The following CALN1 variants were observed in gnomAD, a reference collection of about 807,000 sequenced individuals.
CALN1 encodes the protein calneuron 1, also known as calcium-binding protein 8.
CALN1 carries 17 observed loss-of-function variants against 30.6 expected under a neutral mutation model. That is an observed-to-expected ratio of 0.56 (90% confidence interval 0.38 to 0.83). CALN1 has a LOEUF of 0.83. Ranked by LOEUF, CALN1 falls within the 40% of genes least tolerant of loss-of-function variation. The pLI is 0.00. For missense variants in CALN1, 291 were observed against 354.9 expected, an observed-to-expected ratio of 0.82 and a Z score of 1.45; for synonymous variants, 156 against 131.4, an observed-to-expected ratio of 1.19 and a Z score of -1.28.
In CALN1 at chr7:72,132,535, G is replaced by A. The variant is rs1809225506; in HGVS notation, c.245-26241C>T. On this transcript the variant is annotated intron_variant, in intron 3 of 6. Transcript: ENST00000395275. ...TCTCCAGTTAACTGACATATAGGTT[G>A]CTTAAAAAAATTATATGAAGAATGC... is the stretch of plus-strand genomic sequence containing the variant. Among the ~76,000 whole-genome samples the A allele has an allele frequency of 2.0e-5, 3 of 152,062 alleles. No homozygotes were observed. The South Asian group carries it at 6.2e-4, about 32-fold the overall frequency.
intron 5 of CALN1, among the ~76,000 whole-genome samples, chr7:72,007,341 T>G (rs1584730990): frequency 1.3e-5 from 2 of 151,710 alleles, no homozygotes; most frequent in African/African-American, 4.8e-5. Context: ...AGGTTAGGAG[T>G]TCAAGGCTAG....
chr7:72,283,804 G>C (rs1797890925), intron 2 of CALN1, among the ~76,000 whole-genome samples: 1 of 152,208 alleles, frequency 6.6e-6, no homozygotes, highest in Non-Finnish European at 1.5e-5. Context: ...GCGGGTTCCA[G>C]TGCTGAATGG....
In CALN1 at chr7:71,787,436, T is replaced by TAAAAAA; in HGVS notation, c.*338_*339insTTTTTT. 4.3e-5 allele frequency: 11 copies of TAAAAAA among 258,332 alleles called. No homozygotes were observed. Among genetic ancestry groups the TAAAAAA allele is most frequent in the South Asian group, 1.6e-4 (3 of 19,070 alleles). The allele number at this position is 258,332 out of a possible 1,614,324, so 16.0% of individuals were successfully genotyped here. A position where few individuals can be genotyped will look rare whatever the true frequency, so the allele number is the denominator to read the frequency against. On this transcript the variant is annotated 3_prime_UTR_variant, in exon 7 of 7. Transcript: ENST00000395275. The stretch of plus-strand genomic sequence containing the variant: ...TGCCTCTCTCTTGCTCTCTCACCAT[T>TAAAAAA]ATACCTGGATGGCTGCTGGAATTCC...
intron 5 of CALN1, among the ~76,000 whole-genome samples, chr7:72,004,296 T>TAACAA: frequency 6.6e-6 from 1 of 152,292 alleles, no homozygotes; most frequent in East Asian, 1.9e-4. Flanking sequence ...GACAGCCCTT[T>TAACAA]CAACAAATGA....
intron 5 of CALN1, among the ~76,000 whole-genome samples, chr7:71,905,032 A>G (rs984551441): frequency 6.6e-6 from 1 of 152,026 alleles, no homozygotes; most frequent in Non-Finnish European, 1.5e-5. Context: ...TCTGCCTCCC[A>G]GGTTCAAGCA....
chr7:72,485,873 C>CA, the CALN1 span, among the ~76,000 whole-genome samples: 79 of 143,814 alleles, frequency 5.5e-4, 1 homozygote, highest in Admixed American at 5.6e-4. Context: ...AACTACATCT[C>CA]AAAAAAAAAA....
intron 5 of CALN1, among the ~76,000 whole-genome samples, chr7:72,013,246 G>GTTTTT (rs1340049552): frequency 8.2e-6 from 1 of 122,180 alleles, no homozygotes; most frequent in African/African-American, 3.8e-5. Flanking sequence ...GCTAATTTGA[G>GTTTTT]ATTTTTTTTT....
At chr7:72,031,944 T>C (rs947504166) in intron 4 of CALN1, among the ~76,000 whole-genome samples, 1 of 151,464 alleles carries the variant, frequency 6.6e-6, no homozygotes. Flanking sequence ...GGTTTTGCCA[T>C]GTTGGCCAGG....
At chr7:72,130,194 A>G (rs772122271) in intron 3 of CALN1, among the ~76,000 whole-genome samples, 4 of 152,152 alleles carry the variant, frequency 2.6e-5, no homozygotes, top group Non-Finnish European at 5.9e-5. Context: ...TTTGAACTTT[A>G]CAGCCACCAG....
At chr7:72,384,272 T>C (rs1395477201) in intron 2 of CALN1, among the ~76,000 whole-genome samples, 2 of 152,172 alleles carry the variant, frequency 1.3e-5, no homozygotes, top group African/African-American at 4.8e-5. Flanking sequence ...TCTGCAAGTG[T>C]GTGCATATTC....
At chr7:71,995,131 TCTGAGCCA>T (rs1799188320) in intron 5 of CALN1, among the ~76,000 whole-genome samples, 1 of 152,052 alleles carries the variant, frequency 6.6e-6, no homozygotes, top group African/African-American at 2.4e-5. Flanking sequence ...GGATTACAGG[TCTGAGCCA>T]CTGCGCCTGG....
At chr7:72,025,613 G>T (rs1801004923) in intron 4 of CALN1, among the ~76,000 whole-genome samples, 1 of 152,122 alleles carries the variant, frequency 6.6e-6, no homozygotes, top group Non-Finnish European at 1.5e-5. Flanking sequence ...GAACCTTCAA[G>T]GCATTGTTGG....
At chr7:72,152,606 G>A (rs1405306511) in intron 3 of CALN1, among the ~76,000 whole-genome samples, 1 of 152,122 alleles carries the variant, frequency 6.6e-6, no homozygotes, top group African/African-American at 2.4e-5. Flanking sequence ...CATGGTTATG[G>A]TCCTAGAAGC....
intron 3 of CALN1, among the ~76,000 whole-genome samples, chr7:72,219,368 G>C (rs1157084434): frequency 6.6e-6 from 1 of 152,092 alleles, no homozygotes; most frequent in Non-Finnish European, 1.5e-5. Flanking sequence ...TAGGACTACA[G>C]GTGCATTCCA....
intron 5 of CALN1, among the ~76,000 whole-genome samples, chr7:71,880,160 G>A (rs1018598256): frequency 6.6e-6 from 1 of 152,070 alleles, no homozygotes; most frequent in African/African-American, 2.4e-5. Context: ...AAAAATGGAG[G>A]TTAGAGATTT....
At chr7:71,915,520 T>G (rs1262658635) in intron 5 of CALN1, among the ~76,000 whole-genome samples, 1 of 152,016 alleles carries the variant, frequency 6.6e-6, no homozygotes, top group East Asian at 1.9e-4. Flanking sequence ...GATCGCAAAG[T>G]CAAGAGATGG....
At chr7:72,068,419 TAAAC>T (rs1804171682) in intron 4 of CALN1, among the ~76,000 whole-genome samples, 1 of 152,190 alleles carries the variant, frequency 6.6e-6, no homozygotes, top group African/African-American at 2.4e-5. Flanking sequence ...ATGATGAAGT[TAAAC>T]AAATCCTGGA....
chr7:72,234,079 A>T (rs763249840), intron 3 of CALN1, among the ~76,000 whole-genome samples: 1 of 152,180 alleles, frequency 6.6e-6, no homozygotes, highest in Non-Finnish European at 1.5e-5. Flanking sequence ...AAACATAACA[A>T]TAGAAAGACA....
intron 3 of CALN1, among the ~76,000 whole-genome samples, chr7:72,148,482 G>A (rs1291418503): frequency 6.6e-6 from 1 of 152,008 alleles, no homozygotes; most frequent in Non-Finnish European, 1.5e-5. Flanking sequence ...TGTAGTCCCA[G>A]CTACTACTTG....
Sources: allele counts gnomAD v4.1 joint callset (sites outside exome capture counted in the v4.1 genomes callset), GRCh38; gene constraint gnomAD v4.1.1; transcripts MANE v1.5; gene names NCBI Gene and HGNC (gene_info 2026-07-23, HGNC 2026-07-21).